Variants in GRID1 observed in about 807,000 individuals in gnomAD.
GRID1 encodes the protein glutamate ionotropic receptor delta type subunit 1, also known as glutamate receptor ionotropic, delta-1.
Under a neutral mutation model 98.0 loss-of-function variants are expected in GRID1, and 28 were observed. The observed-to-expected ratio is 0.29, with a 90% CI of 0.21 to 0.39. The LOEUF is 0.39. Ranked by LOEUF, GRID1 falls within the 10% of genes least tolerant of loss-of-function variation. The pLI is 1.00. For synonymous variants in GRID1, 553 were observed against 538.5 expected, an observed-to-expected ratio of 1.03 and a Z score of -0.37; for missense variants, 1,111 against 1,340.5, an observed-to-expected ratio of 0.83 and a Z score of 2.67.
At chr10:86,268,619 T>C (rs563863464) in intron 2 of GRID1, among the ~76,000 whole-genome samples, 2 of 152,348 alleles carry the variant, frequency 1.3e-5, no homozygotes, top group South Asian at 4.1e-4. Context: ...CTACATAGGC[T>C]TAGTGCCAGA....
chr10:86,294,198 G>A (rs113787383), intron 2 of GRID1, among the ~76,000 whole-genome samples: 1 of 152,300 alleles, frequency 6.6e-6, no homozygotes, highest in Admixed American at 6.5e-5. Context: ...CTCTAAGAGA[G>A]GTATACCGGT....
chr10:86,284,804 G>A (rs1304011078), intron 2 of GRID1, among the ~76,000 whole-genome samples: 2 of 152,242 alleles, frequency 1.3e-5, no homozygotes, highest in Non-Finnish European at 2.9e-5. Context: ...ACGGGGCATA[G>A]GGTCGCAGCA....
chr10:85,856,032 T>G lies in GRID1; in HGVS notation c.1110A>C (p.Lys370Asn). The change falls in exon 7 of 16, where the codon AAA becomes AAC. Residue 370 changes from lysine (K) to asparagine (N), a missense_variant. Coordinates refer to ENST00000327946, the MANE Select transcript of GRID1 (RefSeq NM_017551.3). ...NGGRSMLDTI[K>N]KGHITGLTGV... is the part of the protein sequence containing the mutation. ...GGGGGTGCCCCCTCACACGTACCTT[T>G]TTGATGGTATCCAGCATGGACCTCC... 1 of 1,613,658 alleles carries G rather than the reference T, an allele frequency of 6.2e-7. No homozygotes were observed. Among genetic ancestry groups the G allele is most frequent in the Non-Finnish European group, 8.5e-7 (1 of 1,179,968 alleles).
intron 3 of GRID1, among the ~76,000 whole-genome samples, chr10:86,165,572 A>G (rs1382514766): frequency 1.3e-5 from 2 of 152,128 alleles, no homozygotes; most frequent in African/African-American, 4.8e-5. Flanking sequence ...TGGCTGGCCT[A>G]GTCTACAAAG....
intron 8 of GRID1, among the ~76,000 whole-genome samples, chr10:85,732,049 C>T (rs1189637245): frequency 1.3e-5 from 2 of 152,120 alleles, no homozygotes; most frequent in Non-Finnish European, 2.9e-5. Flanking sequence ...GGGAAGAGGA[C>T]AAATTCAGAC....
chr10:86,308,014 T>A (rs1262555140), intron 2 of GRID1, among the ~76,000 whole-genome samples: 1 of 152,206 alleles, frequency 6.6e-6, no homozygotes, highest in East Asian at 1.9e-4. Context: ...ACTCATCTCA[T>A]ACAACTGTAG....
At chr10:85,619,794 TAA>T in intron 14 of GRID1, 71 bp downstream of exon 14, 2 of 1,184,082 alleles carry the variant, frequency 1.7e-6, no homozygotes, top group Non-Finnish European at 2.5e-6. Context: ...TCTTATCTTC[TAA>T]GAGGTTATTC....
chr10:85,903,544 G>C lies in GRID1; in HGVS notation c.780+12642C>G, dbSNP rs187798142. Among the ~76,000 whole-genome samples, 349 of 152,116 alleles carry C rather than the reference G, an allele frequency of 2.3e-3. 3 individuals are homozygous for C. The highest frequency in any genetic ancestry group is 7.9e-3 in the African/African-American group (329 of 41,488). ...TCCTCACCACCTCACTTACTCTTAA[G>C]GCAGCTACCAGGGTATAGTTTCAAA... is the stretch of plus-strand genomic sequence containing the variant. On this transcript the variant is annotated intron_variant, in intron 5 of 15. Transcript: ENST00000327946.
chr10:86,062,267 T>G (rs1843659972), intron 4 of GRID1, among the ~76,000 whole-genome samples: 1 of 151,980 alleles, frequency 6.6e-6, no homozygotes, highest in South Asian at 2.1e-4. Flanking sequence ...GAGCATCTCA[T>G]ACACACACAC....
At chr10:85,918,664 G>GT (rs1207643734) in intron 4 of GRID1, among the ~76,000 whole-genome samples, 2 of 152,230 alleles carry the variant, frequency 1.3e-5, no homozygotes. Flanking sequence ...CATCCTCTGA[G>GT]TGTTGACCTA....
At chr10:85,616,478 C>T (rs1165035897) in intron 14 of GRID1, among the ~76,000 whole-genome samples, 1 of 152,150 alleles carries the variant, frequency 6.6e-6, no homozygotes, top group African/African-American at 2.4e-5. Flanking sequence ...CCCACTCCTC[C>T]GCTCATTAGG....
At chr10:85,961,824 T>TGA (rs976027718) in intron 4 of GRID1, among the ~76,000 whole-genome samples, 4 of 151,686 alleles carry the variant, frequency 2.6e-5, no homozygotes, top group Non-Finnish European at 5.9e-5. Flanking sequence ...CCTCCCTCCC[T>TGA]CTTTCCTGCC....
At chr10:86,096,478 G>A (rs1844223392) in intron 4 of GRID1, among the ~76,000 whole-genome samples, 1 of 152,196 alleles carries the variant, frequency 6.6e-6, no homozygotes, top group African/African-American at 2.4e-5. Flanking sequence ...ACTTCCATCA[G>A]AGAAGTGGCA....
At chr10:85,788,072 A>G (rs991414004) in intron 8 of GRID1, among the ~76,000 whole-genome samples, 1 of 152,014 alleles carries the variant, frequency 6.6e-6, no homozygotes. Context: ...AAAAGAAAAG[A>G]AAAGAAAAAG....
chr10:86,207,693 G>T (rs546919700), intron 2 of GRID1, among the ~76,000 whole-genome samples: 323 of 146,572 alleles, frequency 2.2e-3, no homozygotes, highest in African/African-American at 7.6e-3. Context: ...GTGCAGTGGC[G>T]CGATCTCGAC....
intron 12 of GRID1, among the ~76,000 whole-genome samples, chr10:85,701,489 C>A (rs1218770296): frequency 1.3e-5 from 2 of 151,966 alleles, no homozygotes; most frequent in Non-Finnish European, 2.9e-5. Context: ...GCAAAAAACT[C>A]AAAAGAAAAA....
rs1181909394 is a variant in GRID1 at position 86,221,320 on chromosome 10, A to G, written c.236-14672T>C. 2.0e-5 allele frequency among the ~76,000 whole-genome samples: 3 copies of G among 152,338 alleles called. No homozygotes were observed. The East Asian group carries it at 5.8e-4, about 29-fold the overall frequency. The stretch of plus-strand genomic sequence containing the variant: ...GTTGGTGAGGCTCCATCTTCCCACC[A>G]GCACATTTCTAGCCATAATAGACAG... On this transcript the variant is annotated intron_variant, in intron 2 of 15. Coordinates refer to ENST00000327946, the MANE Select transcript of GRID1 (RefSeq NM_017551.3).
intron 14 of GRID1, among the ~76,000 whole-genome samples, chr10:85,616,031 G>A (rs765263532): frequency 1.3e-5 from 2 of 152,136 alleles, no homozygotes; most frequent in African/African-American, 2.4e-5. Flanking sequence ...AGGATATTGC[G>A]ACAAAATGAG....
intron 2 of GRID1, among the ~76,000 whole-genome samples, chr10:86,243,620 G>A (rs545489955): frequency 3.9e-5 from 6 of 152,210 alleles, no homozygotes; most frequent in Non-Finnish European, 8.8e-5. Flanking sequence ...CCTGGAGAAA[G>A]AGTGTCAATT....
Sources: gnomAD v4.1 joint callset for allele counts (sites outside exome capture counted in the v4.1 genomes callset) on GRCh38, gnomAD v4.1.1 for gene constraint, MANE v1.5 for transcripts, NCBI Gene and HGNC (gene_info 2026-07-23, HGNC 2026-07-21) for gene names.